Variants in OPHN1 observed in about 807,000 individuals in gnomAD.
OPHN1 encodes the protein oligophrenin 1.
A neutral mutation model predicts 60.7 loss-of-function variants in OPHN1; 11 were observed. The ratio of observed to expected loss-of-function variants is 0.18; its 90% confidence interval spans 0.11 to 0.30. The LOEUF (loss-of-function observed/expected upper bound fraction) is 0.30. OPHN1 is among the 10% of genes least tolerant of loss of function. The pLI is 1.00. For synonymous variants in OPHN1, 226 were observed against 222.6 expected, an observed-to-expected ratio of 1.02 and a Z score of -0.14; for missense variants, 449 against 611.0, an observed-to-expected ratio of 0.73 and a Z score of 2.80.
At chrX:68,219,461 A>G (rs1483201125) in intron 6 of OPHN1, among the ~76,000 whole-genome samples, 3 of 107,854 alleles carry the variant, frequency 2.8e-5, no homozygotes. Context: ...CTCCACCCCA[A>G]ATCAACAGAA....
At chrX:68,205,983 T>A (rs867251983) in intron 10 of OPHN1, among the ~76,000 whole-genome samples, 1 of 106,291 alleles carries the variant, frequency 9.4e-6, no homozygotes, top group Admixed American at 1.0e-4. Flanking sequence ...TGTGTGAGTG[T>A]GTGTGTGTGT....
chrX:68,152,875 T>C (rs2077291306), intron 15 of OPHN1, among the ~76,000 whole-genome samples: 1 of 111,101 alleles, frequency 9.0e-6, no homozygotes, highest in African/African-American at 3.3e-5. Flanking sequence ...GGGGAGGCTA[T>C]AGGGCAGACA....
intron 15 of OPHN1, among the ~76,000 whole-genome samples, chrX:68,188,664 C>T (rs11094074): frequency 0.58 from 64,536 of 110,575 alleles, 16,372 homozygotes; most frequent in East Asian, 0.87. Context: ...TTCTGCAACT[C>T]CTGAAGTGGA....
At chrX:68,314,620 A>G (rs1174680121) in intron 2 of OPHN1, among the ~76,000 whole-genome samples, 1 of 111,780 alleles carries the variant, frequency 8.9e-6, no homozygotes, top group Admixed American at 9.6e-5. Flanking sequence ...TTAAAAAACA[A>G]TAACACCAAT....
chrX:68,308,089 G>A (rs1265119599), intron 2 of OPHN1, among the ~76,000 whole-genome samples: 1 of 112,088 alleles, frequency 8.9e-6, no homozygotes, highest in Non-Finnish European at 1.9e-5. Flanking sequence ...TTTTAGTCTT[G>A]CCTCTGGAAC....
chrX:68,249,510 G>A (rs2077823039), intron 5 of OPHN1, among the ~76,000 whole-genome samples: 1 of 111,827 alleles, frequency 8.9e-6, no homozygotes, highest in Non-Finnish European at 1.9e-5. Context: ...CCTAGCCAGA[G>A]GAAGTTAGCA....
At chrX:68,153,716 T>C (rs1249275417) in intron 15 of OPHN1, among the ~76,000 whole-genome samples, 1 of 111,398 alleles carries the variant, frequency 9.0e-6, no homozygotes, top group Non-Finnish European at 1.9e-5. Flanking sequence ...GCCACCTGTG[T>C]CTTTTTCCCT....
rs140077434 is a variant in OPHN1, at chrX:68,161,386, C to T, written c.1276+31533G>A. ...TTACCCTAATACCAAAACCAGAATA[C>T]GACATGAGCAGGTCATTCAAAATGG... On this transcript the variant is annotated intron_variant, in intron 15 of 24. Transcript: ENST00000355520. Among the ~76,000 whole-genome samples, 44 of 110,534 alleles carry T rather than the reference C, an allele frequency of 4.0e-4. No individual in the cohort carries two copies. In the East Asian group the frequency reaches 4.3e-3, roughly 11 times the overall value.
intron 16 of OPHN1, among the ~76,000 whole-genome samples, chrX:68,114,834 T>A (rs1195425785): frequency 2.7e-5 from 3 of 111,401 alleles, no homozygotes; most frequent in African/African-American, 6.5e-5. Context: ...CTTCTTTGAT[T>A]GGGTATGATG....
intron 15 of OPHN1, among the ~76,000 whole-genome samples, chrX:68,176,365 T>A (rs1186798986): frequency 9.0e-6 from 1 of 111,528 alleles, no homozygotes; most frequent in Admixed American, 9.6e-5. Flanking sequence ...GATTCTAAAA[T>A]GAGCAAAGAA....
At chrX:68,217,944 G>A (rs1413144486) in intron 6 of OPHN1, among the ~76,000 whole-genome samples, 3 of 103,490 alleles carry the variant, frequency 2.9e-5, no homozygotes, top group Non-Finnish European at 6.1e-5. Context: ...ACTTTGACGA[G>A]CTGAGAGAAG....
At chrX:68,165,707 C>A (rs905830276) in intron 15 of OPHN1, among the ~76,000 whole-genome samples, 2 of 111,803 alleles carry the variant, frequency 1.8e-5, no homozygotes, top group African/African-American at 6.5e-5. Flanking sequence ...CTCAGTACAT[C>A]GCCACAGTGC....
chrX:68,247,599 C>T (rs2042810826), intron 5 of OPHN1, among the ~76,000 whole-genome samples: 1 of 110,987 alleles, frequency 9.0e-6, no homozygotes, highest in African/African-American at 3.3e-5. Context: ...CTAGCCATGT[C>T]CTTCCCAGAG....
At chrX:68,156,838 T>C (rs2077311722) in intron 15 of OPHN1, among the ~76,000 whole-genome samples, 1 of 111,497 alleles carries the variant, frequency 9.0e-6, no homozygotes, top group Non-Finnish European at 1.9e-5. Context: ...AAATTAAGGA[T>C]GTAATTTCAT....
At chrX:68,075,331 G>C (rs2147373184) in intron 19 of OPHN1, among the ~76,000 whole-genome samples, 1 of 112,253 alleles carries the variant, frequency 8.9e-6, no homozygotes, top group South Asian at 3.7e-4. Flanking sequence ...TCAAAATATT[G>C]CTGAGAAATA....
intron 19 of OPHN1, among the ~76,000 whole-genome samples, chrX:68,074,044 AT>A (rs1350828556): frequency 8.9e-6 from 1 of 112,376 alleles, no homozygotes; most frequent in Non-Finnish European, 1.9e-5. Flanking sequence ...GTACTTAAGG[AT>A]TTTCCAGTCT....
chrX:68,217,965 A>C (rs1315075190), intron 6 of OPHN1, among the ~76,000 whole-genome samples: 1 of 102,958 alleles, frequency 9.7e-6, no homozygotes, highest in African/African-American at 3.3e-5. Context: ...AAGGCTTCAG[A>C]TGATCAAATT....
intron 2 of OPHN1, among the ~76,000 whole-genome samples, chrX:68,309,617 G>A (rs954682860): frequency 8.9e-6 from 1 of 111,811 alleles, no homozygotes; most frequent in Non-Finnish European, 1.9e-5. Flanking sequence ...CAATACTTAC[G>A]ACATTTTGCC....
At chrX:68,156,043 T>A (rs2077307804) in intron 15 of OPHN1, among the ~76,000 whole-genome samples, 1 of 111,456 alleles carries the variant, frequency 9.0e-6, no homozygotes, top group South Asian at 3.8e-4. Context: ...GTCAGCATCA[T>A]CAATAACTAC....
Sources: gnomAD v4.1 joint callset for allele counts (sites outside exome capture counted in the v4.1 genomes callset) on GRCh38, gnomAD v4.1.1 for gene constraint, MANE v1.5 for transcripts, NCBI Gene and HGNC (gene_info 2026-07-23, HGNC 2026-07-21) for gene names.